EFNA5: variants seen among roughly 807,000 people sequenced by gnomAD.
EFNA5 encodes ephrin A5.
Under a neutral mutation model 22.9 loss-of-function variants are expected in EFNA5, and 5 were observed. That is an observed-to-expected ratio of 0.22 (90% confidence interval 0.11 to 0.46). The LOEUF (loss-of-function observed/expected upper bound fraction) is 0.46. EFNA5 is among the 20% of genes least tolerant of loss of function. EFNA5 has a pLI of 0.99. For synonymous variants in EFNA5, 113 were observed against 112.2 expected (o/e 1.01, Z -0.04); for missense variants, 237 against 293.3 (o/e 0.81, Z 1.40).
At chr5:107,482,872 A>C (rs7701848) in intron 1 of EFNA5, among the ~76,000 whole-genome samples, 1,561 of 34,718 alleles carry the variant, frequency 0.045, 7 homozygotes, top group South Asian at 0.098. Flanking sequence ...CTCTCTCTCT[A>C]TATATATATA....
At chr5:107,490,846 C>T (rs1028220056) in intron 1 of EFNA5, among the ~76,000 whole-genome samples, 1 of 152,186 alleles carries the variant, frequency 6.6e-6, no homozygotes, top group Admixed American at 6.5e-5. Flanking sequence ...CATACTCTAA[C>T]AGGACATGAT....
chr5:107,612,180 T>C (rs927641729), intron 1 of EFNA5, among the ~76,000 whole-genome samples: 1 of 152,196 alleles, frequency 6.6e-6, no homozygotes, highest in South Asian at 2.1e-4. Flanking sequence ...TTACTAGTAC[T>C]ACATTTATTT....
intron 1 of EFNA5, among the ~76,000 whole-genome samples, chr5:107,501,712 T>C (rs1315915698): frequency 6.6e-6 from 1 of 152,222 alleles, no homozygotes; most frequent in African/African-American, 2.4e-5. Context: ...ATTTCTGTTG[T>C]GGTATTTTAA....
chr5:107,590,761 T>C (rs1300708324), intron 1 of EFNA5, among the ~76,000 whole-genome samples: 1 of 152,172 alleles, frequency 6.6e-6, no homozygotes, highest in East Asian at 1.9e-4. Context: ...ACTTGTTCCA[T>C]AGTCATAAAG....
chr5:107,562,947 T>C (rs1357149467), intron 1 of EFNA5, among the ~76,000 whole-genome samples: 2 of 152,184 alleles, frequency 1.3e-5, no homozygotes, highest in Admixed American at 1.3e-4. Context: ...GAGCTGTTTG[T>C]GTTATAAAAT....
chr5:107,512,452 G>GTTT (rs112494421), intron 1 of EFNA5, among the ~76,000 whole-genome samples: 3 of 151,152 alleles, frequency 2.0e-5, no homozygotes, highest in African/African-American at 4.9e-5. Context: ...ACTCTAGCCT[G>GTTT]TTTTTTTTTA....
chr5:107,431,809 C>T (rs909736735), intron 1 of EFNA5, among the ~76,000 whole-genome samples: 8 of 152,178 alleles, frequency 5.3e-5, no homozygotes, highest in South Asian at 4.1e-4. Flanking sequence ...ATGGGCTTTA[C>T]ATATGTTATC....
chr5:107,517,709 T>C (rs886686344), intron 1 of EFNA5, among the ~76,000 whole-genome samples: 1 of 152,210 alleles, frequency 6.6e-6, no homozygotes, highest in African/African-American at 2.4e-5. Context: ...ACGGTTATAT[T>C]ATGCAATGTA....
Position 107,571,570 on chromosome 5 carries a change from T to C in EFNA5, c.125+98919A>G, listed in dbSNP as rs528690449. On this transcript the variant is annotated intron_variant, in intron 1 of 4. Transcript: ENST00000333274. ...TTTTTTTTAAAGAATAAAATGCTAA[T>C]GGCATAGGTTTGGGCTCTCTGAATT... Among the ~76,000 whole-genome samples, 8 of 151,504 alleles carry C rather than the reference T, an allele frequency of 5.3e-5. No individual in the cohort carries two copies. In the East Asian group the frequency reaches 9.7e-4, roughly 18 times the overall value.
At chr5:107,396,482 C>A (rs1747930018) in intron 2 of EFNA5, among the ~76,000 whole-genome samples, 1 of 152,140 alleles carries the variant, frequency 6.6e-6, no homozygotes, top group African/African-American at 2.4e-5. Flanking sequence ...CTTACTGGGG[C>A]CTCTGCATGG....
chr5:107,604,311 C>G (rs1749664228), intron 1 of EFNA5, among the ~76,000 whole-genome samples: 1 of 152,046 alleles, frequency 6.6e-6, no homozygotes, highest in South Asian at 2.1e-4. Context: ...TCCCGAGTAG[C>G]TGGGACCATG....
chr5:107,653,021 C>T (rs1323550085), intron 1 of EFNA5, among the ~76,000 whole-genome samples: 1 of 151,930 alleles, frequency 6.6e-6, no homozygotes, highest in Non-Finnish European at 1.5e-5. Flanking sequence ...TTAGGAGACC[C>T]AAGAGAGTGT....
chr5:107,456,337 G>GT lies in EFNA5; in HGVS notation c.126-28829dup, dbSNP rs551752949. Reference sequence around the variant, plus strand: ...CTTAAGCACTGAAGGAAGAAAAAAAGTAAGTAATGATTGTTTAGGTAATGT... The same window carrying GT: ...CTTAAGCACTGAAGGAAGAAAAAAAGTTAAGTAATGATTGTTTAGGTAATGT... On this transcript the variant is annotated intron_variant, in intron 1 of 4. Transcript: ENST00000333274. Among the ~76,000 whole-genome samples, 3 of 152,312 alleles carry GT rather than the reference G, an allele frequency of 2.0e-5. No individual in the cohort carries two copies. In the South Asian group the frequency reaches 6.2e-4, roughly 32 times the overall value.
intron 1 of EFNA5, among the ~76,000 whole-genome samples, chr5:107,531,948 T>C (rs961492643): frequency 9.2e-5 from 14 of 152,122 alleles, no homozygotes; most frequent in Admixed American, 9.2e-4. Context: ...AGGAGAGAAA[T>C]AAAAGGTAAA....
intron 2 of EFNA5, among the ~76,000 whole-genome samples, chr5:107,416,167 C>G (rs1226217259): frequency 6.6e-6 from 1 of 152,084 alleles, no homozygotes; most frequent in Non-Finnish European, 1.5e-5. Flanking sequence ...TTCTATAAAC[C>G]CATTTACTTC....
At chr5:107,619,968 GA>G (rs1750001881) in intron 1 of EFNA5, among the ~76,000 whole-genome samples, 1 of 152,152 alleles carries the variant, frequency 6.6e-6, no homozygotes, top group South Asian at 2.1e-4. Flanking sequence ...ATCTCCAAAA[GA>G]AATCAGCCCG....
chr5:107,512,312 G>A lies in EFNA5; in HGVS notation c.126-84803C>T, dbSNP rs563050514. Among the ~76,000 whole-genome samples the A allele has an allele frequency of 5.3e-5, 8 of 152,088 alleles. No individual in the cohort carries two copies. The South Asian group carries it at 6.2e-4, about 12-fold the overall frequency. ...CAGTAGGGTGTAAATGGCTGCAATC[G>A]CCTGGGTATAAGCAACTGATTTGCA... is the stretch of plus-strand genomic sequence containing the variant. On this transcript the variant is annotated intron_variant, in intron 1 of 4. Transcript: ENST00000333274.
chr5:107,520,351 AAAG>A (rs1747568936), intron 1 of EFNA5, among the ~76,000 whole-genome samples: 1 of 152,238 alleles, frequency 6.6e-6, no homozygotes, highest in Admixed American at 6.5e-5. Context: ...TCCTCTTAAG[AAAG>A]AATTCAAGAA....
chr5:107,611,474 C>T (rs531170863), intron 1 of EFNA5, among the ~76,000 whole-genome samples: 5 of 152,270 alleles, frequency 3.3e-5, no homozygotes, highest in Admixed American at 1.3e-4. Flanking sequence ...GCGTATTCCT[C>T]AATATAGTAA....
Sources: allele counts gnomAD v4.1 joint callset (sites outside exome capture counted in the v4.1 genomes callset), GRCh38; gene constraint gnomAD v4.1.1; transcripts MANE v1.5; gene names NCBI Gene and HGNC (gene_info 2026-07-23, HGNC 2026-07-21).